NKAIN3: variants seen among roughly 807,000 people sequenced by gnomAD.
NKAIN3 encodes the protein sodium/potassium transporting ATPase interacting 3, also known as sodium/potassium-transporting ATPase subunit beta-1-interacting protein 3.
A neutral mutation model predicts 30.2 loss-of-function variants in NKAIN3; 25 were observed. The observed-to-expected ratio is 0.83, with a 90% CI of 0.60 to 1.16. NKAIN3 has a LOEUF of 1.16. NKAIN3 is among the 50% of genes most tolerant of loss of function. The pLI is 0.00. For missense variants in NKAIN3, 225 were observed against 254.1 expected (o/e 0.89, Z 0.78); for synonymous variants, 91 against 89.6 (o/e 1.02, Z -0.09).
chr8:62,724,299 A>G (rs568366467), intron 3 of NKAIN3, among the ~76,000 whole-genome samples: 1 of 152,168 alleles, frequency 6.6e-6, no homozygotes, highest in East Asian at 1.9e-4. Context: ...GGTGTATGAG[A>G]TATTTTGATA....
chr8:62,617,864 AGG>A (rs1811508489), intron 3 of NKAIN3, among the ~76,000 whole-genome samples: 1 of 152,186 alleles, frequency 6.6e-6, no homozygotes, highest in Non-Finnish European at 1.5e-5. Context: ...ATCTAGGCAG[AGG>A]GAAGGCTAAG....
chr8:62,302,542 G>T (rs948705797), intron 1 of NKAIN3, among the ~76,000 whole-genome samples: 1 of 152,004 alleles, frequency 6.6e-6, no homozygotes, highest in Non-Finnish European at 1.5e-5. Flanking sequence ...CTTTGTTATA[G>T]TCACAGACTA....
chr8:62,876,976 T>G (rs1023934671), intron 4 of NKAIN3, among the ~76,000 whole-genome samples: 1 of 151,592 alleles, frequency 6.6e-6, no homozygotes, highest in Non-Finnish European at 1.5e-5. Flanking sequence ...GTTTGGGGTT[T>G]TTAACTCTCA....
chr8:62,319,166 G>T (rs546084696), intron 1 of NKAIN3, among the ~76,000 whole-genome samples: 153 of 152,170 alleles, frequency 1.0e-3, no homozygotes, highest in African/African-American at 3.5e-3. Flanking sequence ...ATTTCTGTGG[G>T]ATCAGTGGTG....
chr8:62,585,152 G>A (rs1032665140), intron 2 of NKAIN3, among the ~76,000 whole-genome samples: 1 of 152,150 alleles, frequency 6.6e-6, no homozygotes, highest in Non-Finnish European at 1.5e-5. Context: ...TGATAAAATA[G>A]TATGTGCTGT....
chr8:62,920,323 A>C (rs1263426284), intron 5 of NKAIN3, among the ~76,000 whole-genome samples: 17 of 152,232 alleles, frequency 1.1e-4, no homozygotes, highest in Admixed American at 6.5e-4. Context: ...AAACTGGTCA[A>C]AGACTCTCAA....
At chr8:62,501,995 A>G (rs1009707567) in intron 1 of NKAIN3, among the ~76,000 whole-genome samples, 6 of 152,118 alleles carry the variant, frequency 3.9e-5, no homozygotes, top group African/African-American at 1.2e-4. Flanking sequence ...AGTGTTTCCA[A>G]TTTTCTAGGT....
At chr8:62,792,227 AG>A (rs969224095) in intron 4 of NKAIN3, among the ~76,000 whole-genome samples, 10 of 152,126 alleles carry the variant, frequency 6.6e-5, no homozygotes, top group African/African-American at 2.4e-4. Flanking sequence ...GTACCTGAAT[AG>A]GTCTCCCTTC....
chr8:62,661,325 T>C (rs552466259), intron 3 of NKAIN3, among the ~76,000 whole-genome samples: 1 of 152,290 alleles, frequency 6.6e-6, no homozygotes, highest in Non-Finnish European at 1.5e-5. Context: ...CCTGCTTGTT[T>C]CCTCCTGAAA....
At chr8:62,488,646 G>T (rs1806975157) in intron 1 of NKAIN3, among the ~76,000 whole-genome samples, 2 of 152,226 alleles carry the variant, frequency 1.3e-5, no homozygotes, top group Admixed American at 1.3e-4. Context: ...TGTGGTAAAA[G>T]TTATCAGCGT....
chr8:62,299,824 T>C (rs1813981688), intron 1 of NKAIN3, among the ~76,000 whole-genome samples: 1 of 152,138 alleles, frequency 6.6e-6, no homozygotes, highest in African/African-American at 2.4e-5. Context: ...TTTATTTTTA[T>C]TGCTTTTGTC....
intron 1 of NKAIN3, among the ~76,000 whole-genome samples, chr8:62,515,022 C>G (rs1005208130): frequency 2.0e-5 from 3 of 152,116 alleles, no homozygotes; most frequent in African/African-American, 7.2e-5. Flanking sequence ...CCCCAGTCCT[C>G]CCTGACCACC....
At chr8:62,805,631 C>A (rs1458927395) in intron 4 of NKAIN3, among the ~76,000 whole-genome samples, 1 of 152,178 alleles carries the variant, frequency 6.6e-6, no homozygotes, top group Non-Finnish European at 1.5e-5. Context: ...CCCTTCCTTA[C>A]ACCTTATACA....
At chr8:62,580,897 C>G (rs1810265802) in intron 2 of NKAIN3, among the ~76,000 whole-genome samples, 1 of 92,386 alleles carries the variant, frequency 1.1e-5, no homozygotes, top group South Asian at 4.2e-4. Flanking sequence ...TCAAGAGCAG[C>G]TAGGGTTTTT....
intron 1 of NKAIN3, among the ~76,000 whole-genome samples, chr8:62,568,015 A>G (rs1809811860): frequency 6.6e-6 from 1 of 152,208 alleles, no homozygotes; most frequent in Non-Finnish European, 1.5e-5. Flanking sequence ...TTGAAGGTTG[A>G]CTAAGATAGC....
chr8:62,948,737 A>C (rs569940026), intron 5 of NKAIN3, among the ~76,000 whole-genome samples: 1 of 152,244 alleles, frequency 6.6e-6, no homozygotes, highest in Non-Finnish European at 1.5e-5. Flanking sequence ...TGCCATATTT[A>C]TAAAACCAGA....
At chr8:62,716,338 T>C (rs972585983) in intron 3 of NKAIN3, among the ~76,000 whole-genome samples, 4 of 152,216 alleles carry the variant, frequency 2.6e-5, no homozygotes, top group Admixed American at 6.5e-5. Flanking sequence ...ATAAATGTTC[T>C]TTAAACCTGT....
At chr8:62,847,349 G>A (rs1374084385) in intron 4 of NKAIN3, among the ~76,000 whole-genome samples, 1 of 152,004 alleles carries the variant, frequency 6.6e-6, no homozygotes, top group African/African-American at 2.4e-5. Context: ...ACCAGCATTT[G>A]TTTTTTGACT....
At chr8:62,500,160 C>A (rs1211300632) in intron 1 of NKAIN3, among the ~76,000 whole-genome samples, 1 of 152,016 alleles carries the variant, frequency 6.6e-6, no homozygotes, top group African/African-American at 2.4e-5. Flanking sequence ...ATTCCAGCAA[C>A]CTGAGACCCA....
Sources: allele counts gnomAD v4.1 joint callset (sites outside exome capture counted in the v4.1 genomes callset), GRCh38; gene constraint gnomAD v4.1.1; transcripts MANE v1.5; gene names NCBI Gene and HGNC (gene_info 2026-07-23, HGNC 2026-07-21).